The following SIM1 variants were observed in gnomAD, a reference collection of about 807,000 sequenced individuals.
SIM1 encodes single-minded homolog 1.
Under a neutral mutation model 78.2 loss-of-function variants are expected in SIM1, and 18 were observed. The observed-to-expected ratio is 0.23, with a 90% confidence interval of 0.16 to 0.34. The LOEUF is 0.34. Among genes scored for constraint, SIM1 ranks in the 10% least tolerant of loss-of-function variants. SIM1 has a pLI of 1.00. For missense variants in SIM1, 939 were observed against 975.1 expected (o/e 0.96, Z 0.49); for synonymous variants, 417 against 385.2 (o/e 1.08, Z -0.97).
At chr6:100,400,254 T>C (rs1407904567) in intron 10 of SIM1, among the ~76,000 whole-genome samples, 1 of 151,262 alleles carries the variant, frequency 6.6e-6, no homozygotes, top group Non-Finnish European at 1.5e-5. Flanking sequence ...AGAAAACCAA[T>C]CAGTTAAATT....
chr6:100,420,970 G>A lies in SIM1; in HGVS notation c.999-12C>T. 1 of 1,611,080 alleles carries A rather than the reference G, an allele frequency of 6.2e-7. No individual in the cohort carries two copies. The highest frequency in any genetic ancestry group is 1.1e-5 in the South Asian group (1 of 90,504). On this transcript the variant is annotated splice_polypyrimidine_tract_variant and intron_variant, in intron 9 of 11. Transcript: ENST00000369208. ...TGTATTCTGTGTCTCTGCAGGGTGGGAGGACAAAGCCCTTAATCAGCCACC... is the reference window on the plus strand; with the variant it reads ...TGTATTCTGTGTCTCTGCAGGGTGGAAGGACAAAGCCCTTAATCAGCCACC...
At chr6:100,446,801 A>T (rs1772367630) in intron 9 of SIM1, among the ~76,000 whole-genome samples, 1 of 152,150 alleles carries the variant, frequency 6.6e-6, no homozygotes, top group Non-Finnish European at 1.5e-5. Flanking sequence ...TTTGTGGTTC[A>T]GGGGGGAAGC....
rs1000037524 is a variant in SIM1, at chr6:100,389,324, G to T, written c.*1037C>A. 2 of 317,132 alleles carry T rather than the reference G, an allele frequency of 6.3e-6. No homozygotes were observed. The highest frequency in any genetic ancestry group is 1.1e-5 in the Non-Finnish European group (2 of 175,608). The allele number at this position is 317,132 out of a possible 1,614,324, so 19.6% of individuals were successfully genotyped here. ...GACTCTCTCCTGAGGCTTTCCACAT[G>T]TTGTCACATTGGCACATATGTGCTT... On this transcript the variant is annotated 3_prime_UTR_variant, in exon 12 of 12. Coordinates refer to ENST00000369208, the MANE Select transcript of SIM1 (RefSeq NM_005068.3).
At position 100,463,517 on chromosome 6, in the gene SIM1, T is replaced by A. The variant is rs571175958; in HGVS notation, c.-49A>T. On this transcript the variant is annotated 5_prime_UTR_variant, in exon 2 of 12. The change abolishes an upstream ATG in the 5' untranslated region. Transcript: ENST00000369208. ...TCACAACTTAAGCTCCGCAGATTCA[T>A]CCAAAACCAAAAATAAACTTTCAAT... The A allele has an allele frequency of 1.3e-6, 2 of 1,514,870 alleles. No homozygotes were observed. The highest frequency in any genetic ancestry group is 2.5e-5 in the South Asian group (2 of 79,646). 93.8% of individuals were successfully genotyped at this position (1,514,870 alleles called of 1,614,324 possible).
At chr6:100,412,632 GAAAGAAAAGAAA>G (rs1771246925) in intron 10 of SIM1, among the ~76,000 whole-genome samples, 2 of 87,448 alleles carry the variant, frequency 2.3e-5, no homozygotes, top group African/African-American at 8.2e-5. Flanking sequence ...AGGAAAGAAA[GAAAGAAAAGAAA>G]GAAAGAAAGA....
chr6:100,429,972 G>C (rs183025742), intron 9 of SIM1, among the ~76,000 whole-genome samples: 4 of 151,900 alleles, frequency 2.6e-5, no homozygotes, highest in Non-Finnish European at 5.9e-5. Context: ...GTTTACCACC[G>C]TTCCTACCTT....
Position 100,447,295 on chromosome 6 carries a change from C to G in SIM1, c.971G>C (p.Cys324Ser), listed in dbSNP as rs1772381683. The G allele has an allele frequency of 6.2e-7, 1 of 1,614,222 alleles. No individual in the cohort carries two copies. Among genetic ancestry groups the G allele is most frequent in the Non-Finnish European group, 8.5e-7 (1 of 1,180,036 alleles). The change falls in exon 9 of 12, where the codon TGT (cysteine) becomes TCT (serine). Residue 324 changes from cysteine to serine, a missense_variant. Cys to Ser is a moderately radical substitution (Grantham distance 112). Around this residue, in one of 5 missense-constraint regions of SIM1, gnomAD observed 66 missense variants for 108.4 expected, o/e 0.61. Transcript: ENST00000369208. ...VHNSRSSRPH[C>S]IVSVNYVLTD... ...GAGGACATAGTTGACGCTGACGATA[C>G]AGTGTGGCCTGGAGGAGCGACTGTT...
In SIM1 at chr6:100,424,602, AT is replaced by A. The variant is rs997988268; in HGVS notation, c.999-3645del. Among the ~76,000 whole-genome samples, 570 of 145,274 alleles carry A rather than the reference AT, an allele frequency of 3.9e-3. 1 individual carries two copies. Among genetic ancestry groups the A allele is most frequent in the African/African-American group, 0.01 (400 of 39,796 alleles). On this transcript the variant is annotated intron_variant, in intron 9 of 11. Coordinates refer to ENST00000369208, the MANE Select transcript of SIM1 (RefSeq NM_005068.3). ...AGGCATGCACCACCATGCTCAACTG[AT>A]TTTTTTTTTTTATTTTTGGTAGACA...
chr6:100,425,050 G>A (rs1355092282), intron 9 of SIM1, among the ~76,000 whole-genome samples: 2 of 152,108 alleles, frequency 1.3e-5, no homozygotes, highest in Non-Finnish European at 2.9e-5. Flanking sequence ...CCAGGGGGAG[G>A]TAATTGAATC....
At chr6:100,439,618 T>G (rs1772153746) in intron 9 of SIM1, among the ~76,000 whole-genome samples, 1 of 152,138 alleles carries the variant, frequency 6.6e-6, no homozygotes, top group Non-Finnish European at 1.5e-5. Context: ...TGTAGAACAA[T>G]GAGGAATATA....
chr6:100,442,560 A>T (rs1772243970), intron 9 of SIM1, among the ~76,000 whole-genome samples: 1 of 152,148 alleles, frequency 6.6e-6, no homozygotes, highest in Non-Finnish European at 1.5e-5. Context: ...TCAAAAGATT[A>T]AGTCTATACA....
At chr6:100,447,773 G>C (rs544861490) in intron 8 of SIM1, among the ~76,000 whole-genome samples, 1 of 152,226 alleles carries the variant, frequency 6.6e-6, no homozygotes, top group South Asian at 2.1e-4. Context: ...GGGAGATTAC[G>C]CTCAAAGCAA....
At chr6:100,461,164 G>A (rs1420325651) in intron 2 of SIM1, among the ~76,000 whole-genome samples, 2 of 152,206 alleles carry the variant, frequency 1.3e-5, no homozygotes, top group Admixed American at 1.3e-4. Context: ...GAGGACTCCA[G>A]CGGGAGCCTT....
chr6:100,399,013 T>C (rs983754128), intron 10 of SIM1, among the ~76,000 whole-genome samples: 9 of 151,918 alleles, frequency 5.9e-5, no homozygotes, highest in South Asian at 2.1e-4. Context: ...AGGTGTCTCA[T>C]TGCAGTTTTG....
chr6:100,446,941 C>CCT (rs969741600), intron 9 of SIM1, among the ~76,000 whole-genome samples: 4 of 152,128 alleles, frequency 2.6e-5, no homozygotes, highest in African/African-American at 9.7e-5. Context: ...TAGATCCTTT[C>CCT]CTCTCTCTCT....
Position 100,447,282 on chromosome 6 carries a change from G to C in SIM1, c.984C>G (p.Val328=). The C allele has an allele frequency of 1.2e-6, 2 of 1,614,206 alleles. No individual in the cohort carries two copies. Among genetic ancestry groups the C allele is most frequent in the Non-Finnish European group, 8.5e-7 (1 of 1,180,044 alleles). ...RSSRPHCIVS[V]NYVLTDTEYK... ...CTTGCACTCACGTGAGGACATAGTT[G>C]ACGCTGACGATACAGTGTGGCCTGG... Residue 328 remains valine, a synonymous_variant, in exon 9 of 12, where the codon GTC becomes GTG. Transcript: ENST00000369208.
intron 11 of SIM1, among the ~76,000 whole-genome samples, chr6:100,391,703 T>G (rs1311359586): frequency 6.6e-6 from 1 of 152,150 alleles, no homozygotes; most frequent in Admixed American, 6.5e-5. Flanking sequence ...GTTAAAAATA[T>G]ACATCTATTC....
chr6:100,451,293 G>T (rs1772507244), intron 3 of SIM1, among the ~76,000 whole-genome samples: 1 of 152,210 alleles, frequency 6.6e-6, no homozygotes. Flanking sequence ...GGAGAAGAGA[G>T]AAAGAGCATT....
In SIM1 at chr6:100,393,897, C is replaced by T. The variant is rs2114463770; in HGVS notation, c.1168-8G>A. 6.5e-7 allele frequency: 1 copy of T among 1,526,992 alleles called. No individual in the cohort carries two copies. Among genetic ancestry groups the T allele is most frequent in the East Asian group, 2.3e-5 (1 of 43,568 alleles). 94.6% of individuals were successfully genotyped at this position (1,526,992 alleles called of 1,614,324 possible). ...TGTGTGAAATCCCGAATACTGAAAC[C>T]GAGTAGGGGAGAAAAGTCCATTTCA... On this transcript the variant is annotated splice_region_variant and splice_polypyrimidine_tract_variant and intron_variant, in intron 10 of 11. Coordinates refer to ENST00000369208, the MANE Select transcript of SIM1 (RefSeq NM_005068.3).
Sources: allele counts gnomAD v4.1 joint callset (sites outside exome capture counted in the v4.1 genomes callset), GRCh38; gene constraint gnomAD v4.1.1; regional missense constraint gnomAD v4.1.1; transcripts MANE v1.5; gene names NCBI Gene and HGNC (gene_info 2026-07-23, HGNC 2026-07-21).